The following GALNT1 variants were observed in gnomAD, a reference collection of about 807,000 sequenced individuals.
GALNT1 encodes the protein polypeptide N-acetylgalactosaminyltransferase 1, also known as GalNAc transferase 1.
In GALNT1, 17 loss-of-function variants were observed where a neutral mutation model predicts 65.7. The observed-to-expected ratio is 0.26, with a 90% confidence interval of 0.18 to 0.39. The LOEUF (loss-of-function observed/expected upper bound fraction) is 0.39. Among genes scored for constraint, GALNT1 ranks in the 10% least tolerant of loss-of-function variants. GALNT1 has a pLI of 1.00. For synonymous variants in GALNT1, 210 were observed against 219.7 expected, an observed-to-expected ratio of 0.96 and a Z score of 0.39; for missense variants, 460 against 672.8, an observed-to-expected ratio of 0.68 and a Z score of 3.50.
intron 5 of GALNT1, among the ~76,000 whole-genome samples, chr18:35,685,833 G>A (rs549085798): frequency 1.3e-5 from 2 of 152,292 alleles, no homozygotes; most frequent in South Asian, 2.1e-4. Flanking sequence ...TTGGGAGACC[G>A]AGGTGGGCAG....
At position 35,633,636 on chromosome 18, in the gene GALNT1, A is replaced by G. The variant is rs112842498; in HGVS notation, c.-103-20924A>G. Among the ~76,000 whole-genome samples, 972 of 152,252 alleles carry G rather than the reference A, an allele frequency of 6.4e-3. 18 individuals are homozygous for G. Among genetic ancestry groups the G allele is most frequent in the African/African-American group, 0.022 (918 of 41,534 alleles). ...TGCAGCACACCAACATGGCATGTGT[A>G]TACATATGTAACAAACCTGCACATT... On this transcript the variant is annotated intron_variant, in intron 1 of 11. Transcript: ENST00000269195.
chr18:35,703,483 T>G, intron 10 of GALNT1, 26 bp from the exon 11 acceptor site: 1 of 1,606,974 alleles, frequency 6.2e-7, no homozygotes, highest in Non-Finnish European at 8.5e-7. Flanking sequence ...TTTTTTCTGT[T>G]TATGTGTGTG....
intron 9 of GALNT1, among the ~76,000 whole-genome samples, chr18:35,692,786 A>G (rs1419248043): frequency 6.6e-6 from 1 of 152,222 alleles, no homozygotes; most frequent in East Asian, 1.9e-4. Context: ...GAAGGACAAT[A>G]TTTCCTTTTA....
At chr18:35,707,731 G>T (rs549487334) in intron 11 of GALNT1, among the ~76,000 whole-genome samples, 211 of 152,284 alleles carry the variant, frequency 1.4e-3, no homozygotes, top group Non-Finnish European at 2.4e-3. Context: ...CTAGTTGGGG[G>T]TTTTTTGTTT....
intron 1 of GALNT1, among the ~76,000 whole-genome samples, chr18:35,647,955 G>A (rs963455060): frequency 6.6e-6 from 1 of 151,948 alleles, no homozygotes; most frequent in Admixed American, 6.6e-5. Context: ...GCCGTGGTGG[G>A]TGGATCACTT....
chr18:35,620,912 A>G (rs1339584968), intron 1 of GALNT1, among the ~76,000 whole-genome samples: 3 of 151,928 alleles, frequency 2.0e-5, no homozygotes, highest in Non-Finnish European at 4.4e-5. Context: ...CTTCAGCTTT[A>G]TGAGATACTT....
rs938754752 is a variant in GALNT1 at position 35,650,233 on chromosome 18, C to T, written c.-103-4327C>T. Among the ~76,000 whole-genome samples the T allele has an allele frequency of 3.3e-5, 5 of 152,016 alleles. 1 individual carries two copies. The South Asian group carries it at 6.2e-4, about 19-fold the overall frequency. ...CATCACGTCAGCAGGTTCCGTGATGCCCCCGAGCCGTAAAACCAGCAAGTT... is the reference window on the plus strand; with the variant it reads ...CATCACGTCAGCAGGTTCCGTGATGTCCCCGAGCCGTAAAACCAGCAAGTT... On this transcript the variant is annotated intron_variant, in intron 1 of 11. Coordinates refer to ENST00000269195, the MANE Select transcript of GALNT1 (RefSeq NM_020474.4).
chr18:35,683,317 C>A (rs1691360601), intron 4 of GALNT1, 74 bp from the exon 5 acceptor site: 1 of 1,231,880 alleles, frequency 8.1e-7, no homozygotes. Context: ...ATAAATTTTC[C>A]AAATCAAAAT....
rs367598538 is a variant in GALNT1 at position 35,689,892 on chromosome 18, GA to G, written c.978+605del. Among the ~76,000 whole-genome samples the G allele has an allele frequency of 2.4e-4, 36 of 152,238 alleles. No individual in the cohort carries two copies. In the East Asian group the frequency reaches 6.6e-3, roughly 28 times the overall value. On this transcript the variant is annotated intron_variant, in intron 7 of 11. Transcript: ENST00000269195. The stretch of plus-strand genomic sequence containing the variant: ...TTTAGACACATAGCTTATTATAGTG[GA>G]AATCACACTGACGTGTACTGTAATC...
At chr18:35,689,312 T>A in intron 7 of GALNT1, 22 bp downstream of exon 7, 1 of 1,325,938 alleles carries the variant, frequency 7.5e-7, no homozygotes, top group Non-Finnish European at 1.1e-6. Context: ...TAAAAAAATT[T>A]AATCTTTTAT....
At chr18:35,684,492 T>C (rs1291172084) in intron 5 of GALNT1, among the ~76,000 whole-genome samples, 1 of 152,104 alleles carries the variant, frequency 6.6e-6, no homozygotes, top group Admixed American at 6.5e-5. Flanking sequence ...AAATAATAGA[T>C]GACGTTTTAG....
chr18:35,600,238 CTTTG>C (rs1209708595), intron 1 of GALNT1, among the ~76,000 whole-genome samples: 1 of 152,006 alleles, frequency 6.6e-6, no homozygotes, highest in East Asian at 1.9e-4. Context: ...TCATTCCTTT[CTTTG>C]TTTAACTTTA....
intron 1 of GALNT1, among the ~76,000 whole-genome samples, chr18:35,589,830 A>C (rs1306211081): frequency 6.6e-6 from 1 of 152,228 alleles, no homozygotes; most frequent in East Asian, 1.9e-4. Flanking sequence ...TAAAATATGA[A>C]TTGCAAGAAA....
At chr18:35,656,929 A>G (rs531004800) in intron 2 of GALNT1, among the ~76,000 whole-genome samples, 5 of 152,304 alleles carry the variant, frequency 3.3e-5, no homozygotes, top group East Asian at 1.9e-4. Context: ...TGGAGTTTAC[A>G]TAACCTGGGG....
chr18:35,686,889 C>A, intron 5 of GALNT1, 127 bp from the exon 6 acceptor site: 1 of 827,666 alleles, frequency 1.2e-6, no homozygotes, highest in Non-Finnish European at 1.8e-6. Context: ...TGGGTGGTGA[C>A]AGAGTAGTGA....
chr18:35,635,897 C>A, intron 1 of GALNT1, among the ~76,000 whole-genome samples: 1 of 152,150 alleles, frequency 6.6e-6, no homozygotes, highest in South Asian at 2.1e-4. Flanking sequence ...TTAACCTTCA[C>A]TTTGTGAAGG....
At chr18:35,622,205 T>C (rs2046861692) in intron 1 of GALNT1, among the ~76,000 whole-genome samples, 2 of 152,124 alleles carry the variant, frequency 1.3e-5, no homozygotes, top group African/African-American at 4.8e-5. Context: ...TTCCTTAATT[T>C]TTTTGTAGAT....
chr18:35,640,657 T>G (rs1464297752), intron 1 of GALNT1, among the ~76,000 whole-genome samples: 1 of 152,198 alleles, frequency 6.6e-6, no homozygotes, highest in Non-Finnish European at 1.5e-5. Context: ...GAAGTTGTGA[T>G]AGGTGAGAAG....
At chr18:35,675,254 GGTGTGTGTTT>G (rs1195860232) in intron 3 of GALNT1, among the ~76,000 whole-genome samples, 2 of 152,050 alleles carry the variant, frequency 1.3e-5, no homozygotes, top group South Asian at 2.1e-4. Flanking sequence ...CCAGGTTAGG[GGTGTGTGTTT>G]GTGTGTGTTT....
Sources: allele counts gnomAD v4.1 joint callset (sites outside exome capture counted in the v4.1 genomes callset), GRCh38; gene constraint gnomAD v4.1.1; transcripts MANE v1.5; gene names NCBI Gene and HGNC (gene_info 2026-07-23, HGNC 2026-07-21).